The following HTR1F variants were observed in gnomAD, a reference collection of about 807,000 sequenced individuals.
HTR1F encodes the protein 5-hydroxytryptamine (serotonin) receptor 1F, G protein-coupled.
In HTR1F, 17 loss-of-function variants were observed where a neutral mutation model predicts 24.0. The ratio of observed to expected loss-of-function variants is 0.71; its 90% CI spans 0.48 to 1.06. The LOEUF (loss-of-function observed/expected upper bound fraction) is 1.06. HTR1F is among the 50% of genes least tolerant of loss of function. The pLI is 0.00. For synonymous variants in HTR1F, 186 were observed against 156.8 expected (o/e 1.19, Z -1.39); for missense variants, 391 against 427.8 (o/e 0.91, Z 0.76).
intron 2 of HTR1F, among the ~76,000 whole-genome samples, chr3:87,952,477 A>T (rs1704854702): frequency 1.3e-5 from 2 of 151,950 alleles, no homozygotes; most frequent in South Asian, 4.1e-4. Context: ...ATGGGGATTA[A>T]AAATAGTGTC....
intron 1 of HTR1F, among the ~76,000 whole-genome samples, chr3:87,820,944 T>C (rs1228591147): frequency 6.6e-6 from 1 of 152,134 alleles, no homozygotes; most frequent in African/African-American, 2.4e-5. Flanking sequence ...TAAGTATTCT[T>C]GAATATGTCA....
In HTR1F at chr3:87,980,921, G is replaced by A. The variant is rs1705527132; in HGVS notation, c.-42-9787G>A. Among the ~76,000 whole-genome samples, 3 of 152,228 alleles carry A rather than the reference G, an allele frequency of 2.0e-5. No homozygotes were observed. In the South Asian group the frequency reaches 6.2e-4, roughly 32 times the overall value. On this transcript the variant is annotated intron_variant, in intron 2 of 2. Coordinates refer to ENST00000319595, the MANE Select transcript of HTR1F (RefSeq NM_001322209.2). ...AGGCACTTCTGAACCTGCAGGGGCA[G>A]GGAGGGTTCCCATGACCCTGAGAGC...
chr3:87,822,008 G>A lies in HTR1F; in HGVS notation c.-159G>A, dbSNP rs1704369536. On this transcript the variant is annotated splice_region_variant and 5_prime_UTR_variant, in exon 2 of 3. Transcript: ENST00000319595. ...TTGTTTTATTCTTTGCTTTTTTAAG[G>A]AGGAGTTTGGGAGAGAATGAATTGG... Among the ~76,000 whole-genome samples, 1 of 152,138 alleles carries A rather than the reference G, an allele frequency of 6.6e-6. No individual in the cohort carries two copies. Among genetic ancestry groups the A allele is most frequent in the African/African-American group, 2.4e-5 (1 of 41,418 alleles).
chr3:87,794,982 CTTTTTTTTTTTTTTT>C (rs57368229), intron 1 of HTR1F, among the ~76,000 whole-genome samples: 37,454 of 94,620 alleles, frequency 0.4, 5,487 homozygotes, highest in East Asian at 0.55. Context: ...TTATGACTGA[CTTTTTTTTTTTTTTT>C]TTTTTTTTTT....
At chr3:87,913,588 C>T (rs1453401888) in intron 2 of HTR1F, among the ~76,000 whole-genome samples, 1 of 151,984 alleles carries the variant, frequency 6.6e-6, no homozygotes, top group African/African-American at 2.4e-5. Context: ...GGATATATAC[C>T]CAAAGAAATA....
intron 2 of HTR1F, among the ~76,000 whole-genome samples, chr3:87,886,143 C>T (rs1453242795): frequency 4.6e-5 from 7 of 152,234 alleles, no homozygotes; most frequent in African/African-American, 1.2e-4. Flanking sequence ...TCATCCACCA[C>T]GATCAAGTTG....
At chr3:87,927,115 C>T (rs958388220) in intron 2 of HTR1F, among the ~76,000 whole-genome samples, 5 of 152,162 alleles carry the variant, frequency 3.3e-5, no homozygotes, top group Admixed American at 6.5e-5. Flanking sequence ...TCAGAGATTC[C>T]GACCTGTCAA....
intron 2 of HTR1F, among the ~76,000 whole-genome samples, chr3:87,962,883 TTC>T (rs1333992062): frequency 2.0e-5 from 3 of 152,034 alleles, no homozygotes; most frequent in African/African-American, 7.2e-5. Context: ...TCACCAGATA[TTC>T]TCTCTTTGGT....
intron 2 of HTR1F, among the ~76,000 whole-genome samples, chr3:87,967,586 TG>T (rs34317253): frequency 0.92 from 137,857 of 149,476 alleles, 64,364 homozygotes; most frequent in South Asian, 0.99. Context: ...AATTGAATCA[TG>T]GGGGGGGGTG....
At chr3:87,889,940 G>C (rs1397687289) in intron 2 of HTR1F, among the ~76,000 whole-genome samples, 2 of 152,166 alleles carry the variant, frequency 1.3e-5, no homozygotes, top group African/African-American at 4.8e-5. Flanking sequence ...AACACATTCT[G>C]AAGTGTCATA....
rs555635122 is a variant in HTR1F at position 87,810,126 on chromosome 3, T to C, written c.-159-11882T>C. ...TTTTATTGACAAATAATTTCTTGAT[T>C]TATTTCTTCTTTTGGAGAAAATATA... is the stretch of plus-strand genomic sequence containing the variant. On this transcript the variant is annotated intron_variant, in intron 1 of 2. Transcript: ENST00000319595. Among the ~76,000 whole-genome samples the C allele has an allele frequency of 2.0e-5, 3 of 152,268 alleles. No individual in the cohort carries two copies. The South Asian group carries it at 6.2e-4, about 32-fold the overall frequency.
intron 2 of HTR1F, among the ~76,000 whole-genome samples, chr3:87,872,194 G>C (rs1245795347): frequency 6.6e-6 from 1 of 152,064 alleles, no homozygotes; most frequent in Non-Finnish European, 1.5e-5. Flanking sequence ...AAAGTTAAAT[G>C]CTATTTTGAG....
At chr3:87,976,729 G>GCTAA (rs1705403385) in intron 2 of HTR1F, among the ~76,000 whole-genome samples, 1 of 152,124 alleles carries the variant, frequency 6.6e-6, no homozygotes, top group African/African-American at 2.4e-5. Context: ...TTATCAGATA[G>GCTAA]CTAACTTTAC....
chr3:87,939,636 C>A (rs1041730355), intron 2 of HTR1F, among the ~76,000 whole-genome samples: 1 of 152,130 alleles, frequency 6.6e-6, no homozygotes. Flanking sequence ...TCTATTTCTT[C>A]TAGATTTTCT....
At chr3:87,989,364 T>C (rs1166306895) in intron 2 of HTR1F, among the ~76,000 whole-genome samples, 1 of 152,182 alleles carries the variant, frequency 6.6e-6, no homozygotes, top group East Asian at 1.9e-4. Flanking sequence ...GTAAGTTTCT[T>C]TGGTAACGGA....
intron 2 of HTR1F, among the ~76,000 whole-genome samples, chr3:87,935,571 T>C (rs902750206): frequency 2.0e-4 from 30 of 152,042 alleles, no homozygotes; most frequent in African/African-American, 6.3e-4. Flanking sequence ...ACCTCCAAAA[T>C]TGGAAATCAA....
intron 2 of HTR1F, among the ~76,000 whole-genome samples, chr3:87,858,985 C>T (rs1430045751): frequency 6.6e-6 from 1 of 152,152 alleles, no homozygotes; most frequent in Non-Finnish European, 1.5e-5. Flanking sequence ...CCTCTGAGGT[C>T]AGGAGTTCGA....
At chr3:87,909,900 T>C (rs1489820333) in intron 2 of HTR1F, among the ~76,000 whole-genome samples, 1 of 152,030 alleles carries the variant, frequency 6.6e-6, no homozygotes, top group East Asian at 1.9e-4. Context: ...TCCAGTTTTC[T>C]TTAAGCATAC....
rs564838302 is a variant in HTR1F at position 87,945,219 on chromosome 3, C to T, written c.-42-45489C>T. Among the ~76,000 whole-genome samples, 561 of 152,000 alleles carry T rather than the reference C, an allele frequency of 3.7e-3. 1 individual carries two copies. Among genetic ancestry groups the T allele is most frequent in the Non-Finnish European group, 6.5e-3 (445 of 67,988 alleles). ...TGGGGAACGGGTCCCACATAACTGC[C>T]CATGTCGAGAGCTGTACACCTAAAT... On this transcript the variant is annotated intron_variant, in intron 2 of 2. Transcript: ENST00000319595.
Sources: gnomAD v4.1 joint callset for allele counts (sites outside exome capture counted in the v4.1 genomes callset) on GRCh38, gnomAD v4.1.1 for gene constraint, MANE v1.5 for transcripts, NCBI Gene and HGNC (gene_info 2026-07-23, HGNC 2026-07-21) for gene names.